UNC13B: variants seen among roughly 807,000 people sequenced by gnomAD.
UNC13B encodes protein unc-13 homolog B.
UNC13B carries 144 observed loss-of-function variants against 211.0 expected under a neutral mutation model. That is an observed-to-expected ratio of 0.68 (90% confidence interval 0.60 to 0.78). UNC13B has a LOEUF of 0.78. Ranked by LOEUF, UNC13B falls within the 30% of genes least tolerant of loss-of-function variation. The probability of loss-of-function intolerance (pLI) is 0.00; values close to 1 mark genes in which losing one functional copy is unlikely to be tolerated. For missense variants in UNC13B, 1,777 were observed against 2,002.0 expected, an observed-to-expected ratio of 0.89 and a Z score of 2.14; for synonymous variants, 709 against 725.8, an observed-to-expected ratio of 0.98 and a Z score of 0.37.
intron 1 of UNC13B, among the ~76,000 whole-genome samples, chr9:35,225,274 C>T (rs1824771178): frequency 6.6e-6 from 1 of 152,138 alleles, no homozygotes; most frequent in African/African-American, 2.4e-5. Flanking sequence ...GAGTCTCCCA[C>T]CCCAGCCCCC....
chr9:35,352,792 C>G (rs1832799927), intron 11 of UNC13B: 1 of 1,232,190 alleles, frequency 8.1e-7, no homozygotes, highest in Admixed American at 4.2e-5. Context: ...TGTCTACCCC[C>G]CATCAGTTTG....
intron 27 of UNC13B, 54 bp from the exon 28 acceptor site, chr9:35,396,787 G>A: frequency 6.2e-7 from 1 of 1,610,028 alleles, no homozygotes; most frequent in East Asian, 2.2e-5. Flanking sequence ...CTGTCAGGAA[G>A]TGGCGTATTC....
intron 1 of UNC13B, among the ~76,000 whole-genome samples, chr9:35,206,296 A>G (rs117512503): frequency 1.3e-5 from 2 of 152,334 alleles, no homozygotes; most frequent in African/African-American, 4.8e-5. Flanking sequence ...GTATGTTCAC[A>G]GTGTCATGCA....
At chr9:35,171,133 A>G (rs912934953) in intron 1 of UNC13B, among the ~76,000 whole-genome samples, 18 of 151,344 alleles carry the variant, frequency 1.2e-4, no homozygotes, top group African/African-American at 4.1e-4. Flanking sequence ...ATGGAGTCTC[A>G]TTCTTTTACC....
At chr9:35,346,035 A>G (rs975964142) in intron 11 of UNC13B, among the ~76,000 whole-genome samples, 2 of 152,152 alleles carry the variant, frequency 1.3e-5, no homozygotes, top group East Asian at 3.8e-4. Flanking sequence ...TAAGCCTTTG[A>G]TCTAGGGCAT....
In UNC13B at chr9:35,304,917, G is replaced by A. The variant is rs1215192016; in HGVS notation, c.5513G>A (p.Arg1838Lys). 2.5e-6 allele frequency: 1 copy of A among 398,846 alleles called. No homozygotes were observed. Among genetic ancestry groups the A allele is most frequent in the Non-Finnish European group, 4.4e-6 (1 of 225,976 alleles). The allele number at this position is 398,846 out of a possible 1,614,324, so 24.7% of individuals were successfully genotyped here. A position where few individuals can be genotyped will look rare whatever the true frequency, so the allele number is the denominator to read the frequency against. ...VQHPELIKNIRQEFSLNKNNH... is the reference protein window; with the variant it reads ...VQHPELIKNIKQEFSLNKNNH... ...CATCCAGAATTGATCAAAAATATAA[G>A]GCAAGAATTCTCTTTAAATAAAAAC... is the stretch of plus-strand genomic sequence containing the variant. The change falls in exon 9 of 40, where the codon AGG becomes AAG. Residue 1838 changes from arginine (R) to lysine (K), a missense_variant. Arg to Lys is a conservative substitution (Grantham distance 26, BLOSUM62 2). Coordinates refer to ENST00000635942, the MANE Select transcript of UNC13B (RefSeq NM_001371189.2).
intron 8 of UNC13B, among the ~76,000 whole-genome samples, chr9:35,298,768 CAGA>C (rs1381753058): frequency 3.9e-5 from 6 of 152,198 alleles, no homozygotes; most frequent in Admixed American, 6.5e-5. Context: ...CCTTGGTACA[CAGA>C]AGAAGGCAGT....
At chr9:35,201,522 T>TG (rs956006352) in intron 1 of UNC13B, among the ~76,000 whole-genome samples, 26 of 152,236 alleles carry the variant, frequency 1.7e-4, no homozygotes, top group Non-Finnish European at 3.5e-4. Flanking sequence ...AGCCTGTTAT[T>TG]GGTCTATTCA....
intron 26 of UNC13B, among the ~76,000 whole-genome samples, chr9:35,391,061 A>G (rs1424459653): frequency 6.6e-6 from 1 of 152,184 alleles, no homozygotes; most frequent in East Asian, 1.9e-4. Context: ...GTTTTAAAGA[A>G]TCAGAGAACC....
chr9:35,349,042 C>T lies in UNC13B; in HGVS notation c.9415-17905C>T, dbSNP rs529078164. Among the ~76,000 whole-genome samples the T allele has an allele frequency of 3.0e-4, 46 of 152,152 alleles. No individual in the cohort carries two copies. In the East Asian group the frequency reaches 3.1e-3, roughly 10 times the overall value. ...AAGTGATTCTCTTGCCTCAGCCTCC[C>T]GAGTAGCTGGGATTACAGGCACCTG... On this transcript the variant is annotated intron_variant, in intron 11 of 39. Coordinates refer to ENST00000635942, the MANE Select transcript of UNC13B (RefSeq NM_001371189.2).
chr9:35,192,244 G>T (rs920247219), intron 1 of UNC13B, among the ~76,000 whole-genome samples: 1 of 152,194 alleles, frequency 6.6e-6, no homozygotes, highest in Non-Finnish European at 1.5e-5. Flanking sequence ...CCATAGAAAA[G>T]TCTGGGGGTT....
chr9:35,312,651 G>A (rs956418501), intron 10 of UNC13B, among the ~76,000 whole-genome samples: 2 of 152,202 alleles, frequency 1.3e-5, no homozygotes, highest in African/African-American at 2.4e-5. Context: ...CATTTAGTTG[G>A]CATCAGAAAC....
chr9:35,294,969 C>G lies in UNC13B; in HGVS notation c.527-727C>G, dbSNP rs185779831. Among the ~76,000 whole-genome samples, 5 of 152,350 alleles carry G rather than the reference C, an allele frequency of 3.3e-5. No homozygotes were observed. The East Asian group carries it at 9.7e-4, about 29-fold the overall frequency. Reference sequence around the variant, plus strand: ...TGTTGGATAAACTTGGCTGCATTGTCAGCAAGATCCCATTGGCAGTGCATA... The same window carrying G: ...TGTTGGATAAACTTGGCTGCATTGTGAGCAAGATCCCATTGGCAGTGCATA... On this transcript the variant is annotated intron_variant, in intron 7 of 39. Transcript: ENST00000635942.
At chr9:35,393,025 A>G (rs1835637672) in intron 26 of UNC13B, among the ~76,000 whole-genome samples, 1 of 152,190 alleles carries the variant, frequency 6.6e-6, no homozygotes, top group South Asian at 2.1e-4. Context: ...GCCACTTTGC[A>G]GTAAATCCCC....
At chr9:35,197,147 G>A (rs1822989853) in intron 1 of UNC13B, among the ~76,000 whole-genome samples, 1 of 152,162 alleles carries the variant, frequency 6.6e-6, no homozygotes, top group Non-Finnish European at 1.5e-5. Context: ...TAACAGTCTT[G>A]AGGAAGTAGT....
intron 1 of UNC13B, among the ~76,000 whole-genome samples, chr9:35,174,479 C>T (rs530159295): frequency 6.6e-6 from 1 of 152,174 alleles, no homozygotes; most frequent in African/African-American, 2.4e-5. Flanking sequence ...TGTGCGCCAC[C>T]ATGCTTGGCT....
chr9:35,255,587 G>C (rs1302615379), intron 6 of UNC13B, among the ~76,000 whole-genome samples: 1 of 152,122 alleles, frequency 6.6e-6, no homozygotes, highest in Non-Finnish European at 1.5e-5. Flanking sequence ...TTAGGTCGGA[G>C]ATGGAATCAT....
intron 11 of UNC13B, among the ~76,000 whole-genome samples, chr9:35,328,666 C>CCTTCCTTCCTT (rs1831183795): frequency 1.3e-5 from 1 of 76,400 alleles, no homozygotes. Context: ...CTTCCTTCCT[C>CCTTCCTTCCTT]CCTCCCTTCC....
chr9:35,289,436 G>A (rs1390428878), intron 7 of UNC13B, among the ~76,000 whole-genome samples: 2 of 152,088 alleles, frequency 1.3e-5, no homozygotes, highest in Non-Finnish European at 2.9e-5. Context: ...TATTTATTAG[G>A]ACTCTGTAAG....
Sources: allele counts gnomAD v4.1 joint callset (sites outside exome capture counted in the v4.1 genomes callset), GRCh38; gene constraint gnomAD v4.1.1; transcripts MANE v1.5; gene names NCBI Gene and HGNC (gene_info 2026-07-23, HGNC 2026-07-21).